Variants in PTPN4 observed in about 807,000 individuals in gnomAD.
PTPN4 encodes tyrosine-protein phosphatase non-receptor type 4.
A neutral mutation model predicts 135.5 loss-of-function variants in PTPN4; 49 were observed. The observed-to-expected ratio is 0.36, with a 90% confidence interval of 0.29 to 0.46. PTPN4 has a LOEUF of 0.46. Among genes scored for constraint, PTPN4 ranks in the 20% least tolerant of loss-of-function variants. PTPN4 has a pLI of 1.00. For missense variants in PTPN4, 860 were observed against 1,101.0 expected (o/e 0.78, Z 3.10); for synonymous variants, 333 against 369.9 (o/e 0.90, Z 1.14).
At chr2:119,900,686 A>G in intron 9 of PTPN4, 32 bp from the exon 10 acceptor site, 1 of 1,322,778 alleles carries the variant, frequency 7.6e-7, no homozygotes, top group Non-Finnish European at 1.0e-6. Flanking sequence ...ATAAATTTAG[A>G]TTTATCATGT....
At chr2:119,789,162 C>T (rs1430078382) in intron 1 of PTPN4, among the ~76,000 whole-genome samples, 2 of 151,132 alleles carry the variant, frequency 1.3e-5, no homozygotes, top group African/African-American at 2.4e-5. Context: ...TTTTAATATG[C>T]GTTTTCCTAA....
chr2:119,854,579 G>C (rs1213820835), intron 2 of PTPN4, among the ~76,000 whole-genome samples: 1 of 152,122 alleles, frequency 6.6e-6, no homozygotes, highest in African/African-American at 2.4e-5. Context: ...TCGATCTAAG[G>C]GTCCTTGGAA....
rs1331742603 is a variant in PTPN4, at chr2:119,917,294, AT to A, written c.828+2054del. ...TAACAGCAACAATAGCTAACTGACA[AT>A]TGATTAAAGACAGTATACAGGGATC... is the stretch of plus-strand genomic sequence containing the variant. On this transcript the variant is annotated intron_variant, in intron 11 of 26. Coordinates refer to ENST00000263708, the MANE Select transcript of PTPN4 (RefSeq NM_002830.4). Among the ~76,000 whole-genome samples the A allele has an allele frequency of 4.0e-5, 6 of 151,408 alleles. No individual in the cohort carries two copies. The East Asian group carries it at 9.6e-4, about 24-fold the overall frequency.
At chr2:119,951,036 T>C (rs1366732225) in intron 18 of PTPN4, among the ~76,000 whole-genome samples, 1 of 152,192 alleles carries the variant, frequency 6.6e-6, no homozygotes, top group African/African-American at 2.4e-5. Flanking sequence ...ACACTGAGAA[T>C]TTAAATGTTT....
At chr2:119,918,178 G>A (rs999429469) in intron 11 of PTPN4, among the ~76,000 whole-genome samples, 1 of 152,136 alleles carries the variant, frequency 6.6e-6, no homozygotes, top group African/African-American at 2.4e-5. Flanking sequence ...AAGAAGTGAT[G>A]TTTTAAGCAT....
chr2:119,915,313 T>C (rs1189017032), intron 11 of PTPN4, 71 bp downstream of exon 11: 1 of 1,277,058 alleles, frequency 7.8e-7, no homozygotes, highest in Non-Finnish European at 1.1e-6. Flanking sequence ...GACAGAACTT[T>C]TCTATTATTA....
Position 119,895,624 on chromosome 2 carries a change from C to CA in PTPN4, c.676-5085dup, listed in dbSNP as rs1462643025. ...ACTGGACAAGAGCGAGACTCCATCT[C>CA]AAAAAAAAAGAAAAAGGCCGGGTGC... On this transcript the variant is annotated intron_variant, in intron 9 of 26. Coordinates refer to ENST00000263708, the MANE Select transcript of PTPN4 (RefSeq NM_002830.4). 5.2e-3 allele frequency among the ~76,000 whole-genome samples: 764 copies of CA among 147,822 alleles called. 10 individuals carry two copies. The highest frequency in any genetic ancestry group is 0.018 in the African/African-American group (713 of 40,238).
chr2:119,775,096 G>GAAA (rs35234122), intron 1 of PTPN4, among the ~76,000 whole-genome samples: 5 of 66,766 alleles, frequency 7.5e-5, no homozygotes, highest in Non-Finnish European at 1.1e-4. Flanking sequence ...GCCCTATTCT[G>GAAA]AAAAAAAAAA....
chr2:119,882,777 T>TA (rs372004437), intron 8 of PTPN4, among the ~76,000 whole-genome samples, 154 bp downstream of exon 8: 1 of 152,164 alleles, frequency 6.6e-6, no homozygotes, highest in East Asian at 1.9e-4. Flanking sequence ...TGATCTATGC[T>TA]AAAAAACGAT....
At position 119,968,042 on chromosome 2, in the gene PTPN4, A is replaced by G. The variant is rs925325049; in HGVS notation, c.2694+70A>G. ...GATTTTTGTTGCCAATGCATATTCTAAATCATATTTTTATCCTTTTTTATC... is the reference window on the plus strand; with the variant it reads ...GATTTTTGTTGCCAATGCATATTCTGAATCATATTTTTATCCTTTTTTATC... On this transcript the variant is annotated intron_variant, in intron 26 of 26. Coordinates refer to ENST00000263708, the MANE Select transcript of PTPN4 (RefSeq NM_002830.4). The G allele has an allele frequency of 1.1e-5, 13 of 1,188,386 alleles. 1 individual carries two copies. In the East Asian group the frequency reaches 3.5e-4, roughly 32 times the overall value. The allele number at this position is 1,188,386 out of a possible 1,614,324, so 73.6% of individuals were successfully genotyped here.
chr2:119,796,139 C>CTGCTG (rs1691254719), intron 1 of PTPN4, among the ~76,000 whole-genome samples: 1 of 151,962 alleles, frequency 6.6e-6, no homozygotes. Context: ...ACACAAGGGA[C>CTGCTG]CCACTGCTGC....
At chr2:119,875,839 TGAAGGAGTCA>T (rs1299887997) in intron 3 of PTPN4, among the ~76,000 whole-genome samples, 1 of 152,096 alleles carries the variant, frequency 6.6e-6, no homozygotes, top group African/African-American at 2.4e-5. Flanking sequence ...TATAATCTAA[TGAAGGAGTCA>T]GACAAAAAAA....
chr2:119,894,076 G>A (rs1678282459), intron 9 of PTPN4, among the ~76,000 whole-genome samples: 1 of 152,170 alleles, frequency 6.6e-6, no homozygotes, highest in Non-Finnish European at 1.5e-5. Context: ...TGAGGCAGGA[G>A]TATTATTATC....
intron 9 of PTPN4, among the ~76,000 whole-genome samples, chr2:119,892,005 C>T (rs1678247889): frequency 6.6e-6 from 1 of 152,068 alleles, no homozygotes; most frequent in African/African-American, 2.4e-5. Flanking sequence ...TGGCTGCATG[C>T]AGTAATATGG....
intron 2 of PTPN4, among the ~76,000 whole-genome samples, chr2:119,847,275 TACACAC>T (rs775485671): frequency 0.016 from 1,748 of 107,196 alleles, 64 homozygotes; most frequent in South Asian, 0.037. Flanking sequence ...ATACTCTATA[TACACAC>T]ACACACACAC....
At chr2:119,808,310 T>G (rs1428736893) in intron 1 of PTPN4, among the ~76,000 whole-genome samples, 1 of 152,178 alleles carries the variant, frequency 6.6e-6, no homozygotes, top group Admixed American at 6.5e-5. Flanking sequence ...GATGACATGA[T>G]TGTATATATA....
rs1690500683 is a variant in PTPN4, at chr2:119,761,544, G to GTT, written c.-18+1161_-18+1162insTT. On this transcript the variant is annotated intron_variant, in intron 1 of 26. Coordinates refer to ENST00000263708, the MANE Select transcript of PTPN4 (RefSeq NM_002830.4). Reference sequence around the variant, plus strand: ...TTCTACAGAACCTCTTCACTAGCTCGTAAGTGTGATCATTTTGTGGACATC... The same window carrying GTT: ...TTCTACAGAACCTCTTCACTAGCTCGTTTAAGTGTGATCATTTTGTGGACATC... Among the ~76,000 whole-genome samples, 3 of 152,104 alleles carry GTT rather than the reference G, an allele frequency of 2.0e-5. No individual in the cohort carries two copies. The South Asian group carries it at 6.2e-4, about 32-fold the overall frequency.
In PTPN4 at chr2:119,821,327, G is replaced by A. The variant is rs1184192895; in HGVS notation, c.138+11336G>A. 3.9e-5 allele frequency among the ~76,000 whole-genome samples: 6 copies of A among 151,930 alleles called. No individual in the cohort carries two copies. In the South Asian group the frequency reaches 1.0e-3, roughly 27 times the overall value. ...AGGATGGTTTCAATCTCTTGACCTCGTGATCTGCCCAGCTGGGCCTCCCAG... is the reference window on the plus strand; with the variant it reads ...AGGATGGTTTCAATCTCTTGACCTCATGATCTGCCCAGCTGGGCCTCCCAG... On this transcript the variant is annotated intron_variant, in intron 2 of 26. Coordinates refer to ENST00000263708, the MANE Select transcript of PTPN4 (RefSeq NM_002830.4).
intron 5 of PTPN4, among the ~76,000 whole-genome samples, chr2:119,878,500 G>T (rs1678018156): frequency 6.6e-6 from 1 of 152,122 alleles, no homozygotes; most frequent in South Asian, 2.1e-4. Flanking sequence ...AAATTTTAAT[G>T]TATTGGTTAT....
Sources: allele counts gnomAD v4.1 joint callset (sites outside exome capture counted in the v4.1 genomes callset), GRCh38; gene constraint gnomAD v4.1.1; transcripts MANE v1.5; gene names NCBI Gene and HGNC (gene_info 2026-07-23, HGNC 2026-07-21).